Variants in VPS13B observed in about 807,000 individuals in gnomAD.
VPS13B encodes the protein vacuolar protein sorting 13 homolog B, also known as intermembrane lipid transfer protein VPS13B.
In VPS13B, 285 loss-of-function variants were observed where a neutral mutation model predicts 426.4. The ratio of observed to expected loss-of-function variants is 0.67; its 90% CI spans 0.61 to 0.74. VPS13B has a LOEUF of 0.74. VPS13B is among the 30% of genes least tolerant of loss of function. The probability of loss-of-function intolerance (pLI) is 0.00; values close to 1 mark genes in which losing one functional copy is unlikely to be tolerated. For missense variants in VPS13B, 4,537 were observed against 4,782.6 expected (o/e 0.95, Z 1.51); for synonymous variants, 1,676 against 1,676.4 (o/e 1.00, Z 0.01).
At chr8:99,755,621 T>G (rs1810602241) in intron 39 of VPS13B, among the ~76,000 whole-genome samples, 1 of 151,814 alleles carries the variant, frequency 6.6e-6, no homozygotes, top group South Asian at 2.1e-4. Flanking sequence ...AATACAAAAA[T>G]TAGTTGGGTG....
intron 19 of VPS13B, among the ~76,000 whole-genome samples, chr8:99,357,597 G>A (rs1398171097): frequency 2.0e-5 from 3 of 152,024 alleles, no homozygotes; most frequent in South Asian, 4.1e-4. Flanking sequence ...GGAAATAATT[G>A]TGTGTTTTGT....
At chr8:99,241,971 TA>T (rs1816955490) in intron 17 of VPS13B, among the ~76,000 whole-genome samples, 1 of 152,126 alleles carries the variant, frequency 6.6e-6, no homozygotes, top group South Asian at 2.1e-4. Flanking sequence ...TTTCCATATA[TA>T]ATTGGTTTCT....
At chr8:99,597,493 A>G (rs1034293263) in intron 33 of VPS13B, among the ~76,000 whole-genome samples, 4 of 152,028 alleles carry the variant, frequency 2.6e-5, no homozygotes, top group Non-Finnish European at 5.9e-5. Context: ...TCTTGATGAC[A>G]TCATCTGATT....
intron 17 of VPS13B, among the ~76,000 whole-genome samples, chr8:99,260,939 CT>C (rs1000622058): frequency 2.0e-5 from 3 of 151,654 alleles, no homozygotes; most frequent in Non-Finnish European, 2.9e-5. Context: ...TTAAGTTTTT[CT>C]TTTTTTAAAA....
At chr8:99,063,463 C>G (rs1360304733) in intron 3 of VPS13B, among the ~76,000 whole-genome samples, 1 of 152,224 alleles carries the variant, frequency 6.6e-6, no homozygotes, top group Non-Finnish European at 1.5e-5. Context: ...GAGCCTTGCT[C>G]ACTGCTAGTG....
intron 33 of VPS13B, among the ~76,000 whole-genome samples, chr8:99,592,456 A>G (rs1353627952): frequency 6.6e-6 from 1 of 152,062 alleles, no homozygotes; most frequent in South Asian, 2.1e-4. Context: ...TTGTGGTTTT[A>G]TCTACCTTTG....
intron 33 of VPS13B, among the ~76,000 whole-genome samples, chr8:99,594,817 T>G (rs1686291928): frequency 6.6e-6 from 1 of 151,946 alleles, no homozygotes; most frequent in African/African-American, 2.4e-5. Context: ...GAAGGATGTG[T>G]GTATCCCACT....
intron 3 of VPS13B, among the ~76,000 whole-genome samples, chr8:99,059,381 G>T (rs1421881988): frequency 1.3e-5 from 2 of 152,094 alleles, no homozygotes; most frequent in Non-Finnish European, 2.9e-5. Context: ...CGCCATGTTG[G>T]CCAGGCTGGT....
intron 17 of VPS13B, among the ~76,000 whole-genome samples, chr8:99,259,370 G>T (rs946623110): frequency 6.6e-6 from 1 of 152,070 alleles, no homozygotes; most frequent in Non-Finnish European, 1.5e-5. Flanking sequence ...ATGAAAATTA[G>T]TGTTGGAAGT....
At position 99,017,077 on chromosome 8, in the gene VPS13B, AATCTT is replaced by A. The variant is rs141927650; in HGVS notation, c.147+3144_147+3148del. Among the ~76,000 whole-genome samples the A allele has an allele frequency of 9.0e-3, 1,366 of 152,338 alleles. 27 individuals are homozygous for A. Among genetic ancestry groups the A allele is most frequent in the African/African-American group, 0.032 (1,320 of 41,566 alleles). ...AGGGTTTTTCTAGTCTTGTTTAAGA[AATCTT>A]AGCTTACACCAACATCGTGAAAATA... is the stretch of plus-strand genomic sequence containing the variant. On this transcript the variant is annotated intron_variant, in intron 2 of 61. Transcript: ENST00000357162.
chr8:99,498,589 T>C (rs1486759373), intron 25 of VPS13B, among the ~76,000 whole-genome samples: 3 of 151,968 alleles, frequency 2.0e-5, no homozygotes, highest in African/African-American at 7.2e-5. Context: ...AGAAAACACA[T>C]TCTAACAATT....
chr8:99,744,900 A>T (rs928304473), intron 39 of VPS13B, among the ~76,000 whole-genome samples: 2 of 152,132 alleles, frequency 1.3e-5, no homozygotes, highest in Non-Finnish European at 2.9e-5. Context: ...CAGCACACCA[A>T]CATGGCACAT....
intron 17 of VPS13B, among the ~76,000 whole-genome samples, chr8:99,195,426 G>A (rs1166005451): frequency 1.3e-5 from 2 of 152,112 alleles, no homozygotes; most frequent in African/African-American, 2.4e-5. Flanking sequence ...TTAAAATTGA[G>A]TTATTTGTTT....
At chr8:99,792,388 A>T (rs1563919359) in intron 43 of VPS13B, among the ~76,000 whole-genome samples, 1 of 152,180 alleles carries the variant, frequency 6.6e-6, no homozygotes, top group Non-Finnish European at 1.5e-5. Flanking sequence ...TCTGTGTCAA[A>T]GGTGAAGGGA....
chr8:99,542,136 G>T (rs973079866), intron 30 of VPS13B, among the ~76,000 whole-genome samples: 1 of 152,082 alleles, frequency 6.6e-6, no homozygotes, highest in East Asian at 1.9e-4. Flanking sequence ...TGATCCGCCC[G>T]CCTTGGCCTC....
chr8:99,490,739 G>A (rs1295847231), intron 25 of VPS13B, among the ~76,000 whole-genome samples: 1 of 152,128 alleles, frequency 6.6e-6, no homozygotes, highest in African/African-American at 2.4e-5. Flanking sequence ...TCTGGGATCG[G>A]TGGTGATATC....
intron 44 of VPS13B, among the ~76,000 whole-genome samples, chr8:99,815,391 G>C (rs570259859): frequency 6.6e-6 from 1 of 152,146 alleles, no homozygotes; most frequent in South Asian, 2.1e-4. Flanking sequence ...CAATGCCCTA[G>C]CTCAAGCAGT....
intron 3 of VPS13B, among the ~76,000 whole-genome samples, chr8:99,047,030 T>C (rs1204977625): frequency 1.3e-5 from 2 of 152,192 alleles, no homozygotes. Flanking sequence ...ATTAGGGTGA[T>C]ATCGGTTTCA....
intron 31 of VPS13B, among the ~76,000 whole-genome samples, chr8:99,574,222 A>G (rs1464906296): frequency 6.6e-6 from 1 of 152,128 alleles, no homozygotes; most frequent in Non-Finnish European, 1.5e-5. Context: ...GGGTTTTCTA[A>G]ATATACAATC....
Sources: allele counts gnomAD v4.1 joint callset (sites outside exome capture counted in the v4.1 genomes callset), GRCh38; gene constraint gnomAD v4.1.1; transcripts MANE v1.5; gene names NCBI Gene and HGNC (gene_info 2026-07-23, HGNC 2026-07-21).